Variants in ERBB4 observed in about 807,000 individuals in gnomAD.
ERBB4 encodes the protein erb-b2 receptor tyrosine kinase 4, also known as receptor tyrosine-protein kinase erbB-4.
A neutral mutation model predicts 158.0 loss-of-function variants in ERBB4; 42 were observed. That is an observed-to-expected ratio of 0.27 (90% CI 0.21 to 0.34). The LOEUF is 0.34. Among genes scored for constraint, ERBB4 ranks in the 10% least tolerant of loss-of-function variants. ERBB4 has a pLI of 1.00. For missense variants in ERBB4, 1,333 were observed against 1,624.1 expected, an observed-to-expected ratio of 0.82 and a Z score of 3.08; for synonymous variants, 583 against 558.7, an observed-to-expected ratio of 1.04 and a Z score of -0.61.
intron 12 of ERBB4, among the ~76,000 whole-genome samples, chr2:211,684,033 T>A (rs1026353935): frequency 5.9e-5 from 9 of 152,204 alleles, no homozygotes; most frequent in African/African-American, 2.2e-4. Context: ...GTAATTAGAT[T>A]TCGTTTATTT....
intron 4 of ERBB4, among the ~76,000 whole-genome samples, chr2:211,759,126 A>T (rs566177455): frequency 6.6e-6 from 1 of 152,294 alleles, no homozygotes; most frequent in Non-Finnish European, 1.5e-5. Flanking sequence ...AGTCATCCTC[A>T]GCTCTGTTTT....
At chr2:211,561,166 A>C (rs1323361955) in intron 20 of ERBB4, among the ~76,000 whole-genome samples, 1 of 152,214 alleles carries the variant, frequency 6.6e-6, no homozygotes, top group Non-Finnish European at 1.5e-5. Context: ...AGCAGACTGC[A>C]TGATAAGAAT....
intron 1 of ERBB4, among the ~76,000 whole-genome samples, chr2:212,197,226 A>G (rs1250233501): frequency 6.6e-6 from 1 of 152,194 alleles, no homozygotes; most frequent in Non-Finnish European, 1.5e-5. Context: ...TTAGAAACAT[A>G]TTCAATTGCC....
intron 5 of ERBB4, among the ~76,000 whole-genome samples, chr2:211,732,044 A>C (rs2106154669): frequency 6.6e-6 from 1 of 152,032 alleles, no homozygotes. Flanking sequence ...TAAGATTTTT[A>C]GAAGTAGATT....
At chr2:211,949,139 T>C (rs2080800568) in intron 2 of ERBB4, among the ~76,000 whole-genome samples, 2 of 152,164 alleles carry the variant, frequency 1.3e-5, no homozygotes, top group Admixed American at 6.6e-5. Context: ...ACGTCATCCA[T>C]GGCTCCCACC....
rs536427262 is a variant in ERBB4 at position 211,478,377 on chromosome 2, C to A, written c.2488-47277G>T. On this transcript the variant is annotated intron_variant, in intron 20 of 27. Coordinates refer to ENST00000342788, the MANE Select transcript of ERBB4 (RefSeq NM_005235.3). Reference sequence around the variant, plus strand: ...GTCTCTATATTCAAAGACAAATCTGCGTTTCCAGATATATGTTGCCTTGAA... The same window carrying A: ...GTCTCTATATTCAAAGACAAATCTGAGTTTCCAGATATATGTTGCCTTGAA... 1.3e-4 allele frequency among the ~76,000 whole-genome samples: 20 copies of A among 152,202 alleles called. No individual in the cohort carries two copies. The East Asian group carries it at 1.5e-3, about 12-fold the overall frequency.
At chr2:212,468,936 G>C (rs1038866505) in intron 1 of ERBB4, among the ~76,000 whole-genome samples, 1 of 151,954 alleles carries the variant, frequency 6.6e-6, no homozygotes, top group African/African-American at 2.4e-5. Context: ...CCCTTATTAG[G>C]AAAAAAATTA....
chr2:212,269,418 C>G (rs1406882160), intron 1 of ERBB4, among the ~76,000 whole-genome samples: 2 of 151,776 alleles, frequency 1.3e-5, no homozygotes, highest in Non-Finnish European at 2.9e-5. Flanking sequence ...CATACTTATT[C>G]ATGTGTGGGG....
At chr2:211,603,322 T>C (rs547196886) in intron 19 of ERBB4, among the ~76,000 whole-genome samples, 44 of 152,244 alleles carry the variant, frequency 2.9e-4, no homozygotes, top group African/African-American at 9.4e-4. Context: ...TGTAAGTATC[T>C]GACATTGGGC....
At chr2:212,196,757 T>C (rs2082437553) in intron 1 of ERBB4, among the ~76,000 whole-genome samples, 1 of 152,146 alleles carries the variant, frequency 6.6e-6, no homozygotes. Context: ...TCATCCTAAA[T>C]TCAAACTCTC....
chr2:212,533,314 A>G (rs1692858140), intron 1 of ERBB4, among the ~76,000 whole-genome samples: 1 of 152,216 alleles, frequency 6.6e-6, no homozygotes, highest in African/African-American at 2.4e-5. Context: ...ATGTATCTCA[A>G]TATCAAAGAC....
intron 4 of ERBB4, among the ~76,000 whole-genome samples, chr2:211,762,278 G>T (rs1189649615): frequency 6.6e-6 from 1 of 152,160 alleles, no homozygotes; most frequent in Non-Finnish European, 1.5e-5. Flanking sequence ...GGGAGGGTGT[G>T]ACCCCTTAGA....
At chr2:211,732,662 A>G (rs6740215) in intron 5 of ERBB4, among the ~76,000 whole-genome samples, 27,875 of 152,148 alleles carry the variant, frequency 0.18, 3,260 homozygotes, top group South Asian at 0.33. Flanking sequence ...GAGTCAGTTA[A>G]TAAAAGTAGG....
rs573600521 is a variant in ERBB4, at chr2:212,031,030, T to A, written c.235-83414A>T. Reference sequence around the variant, plus strand: ...TATCCAACATCCGTCTTCTGCCTCATGAAACTCACTTCTCTTAGACATGCT... The same window carrying A: ...TATCCAACATCCGTCTTCTGCCTCAAGAAACTCACTTCTCTTAGACATGCT... On this transcript the variant is annotated intron_variant, in intron 2 of 27. Transcript: ENST00000342788. 5.3e-5 allele frequency among the ~76,000 whole-genome samples: 8 copies of A among 152,260 alleles called. No individual in the cohort carries two copies. The East Asian group carries it at 9.6e-4, about 18-fold the overall frequency.
chr2:212,235,257 A>G (rs1179516102), intron 1 of ERBB4, among the ~76,000 whole-genome samples: 5 of 152,012 alleles, frequency 3.3e-5, no homozygotes, highest in Non-Finnish European at 7.4e-5. Flanking sequence ...GCTTGCTTTT[A>G]TCAGGTTTGT....
intron 1 of ERBB4, among the ~76,000 whole-genome samples, chr2:212,296,454 C>T (rs544438732): frequency 2.6e-5 from 4 of 151,842 alleles, no homozygotes; most frequent in African/African-American, 9.6e-5. Context: ...AACAGTTCTT[C>T]AGTAATGTAA....
chr2:212,229,333 T>C (rs1038346394), intron 1 of ERBB4, among the ~76,000 whole-genome samples: 1 of 152,168 alleles, frequency 6.6e-6, no homozygotes, highest in African/African-American at 2.4e-5. Context: ...GAAGTCTGGA[T>C]GGACTCAAGT....
At chr2:212,480,925 TACATAA>T (rs528555750) in intron 1 of ERBB4, among the ~76,000 whole-genome samples, 166 of 152,324 alleles carry the variant, frequency 1.1e-3, no homozygotes, top group African/African-American at 3.9e-3. Context: ...CTTTTTAATT[TACATAA>T]ACATAATTGC....
intron 1 of ERBB4, among the ~76,000 whole-genome samples, chr2:212,263,916 T>C (rs2085035445): frequency 6.6e-6 from 1 of 152,046 alleles, no homozygotes; most frequent in South Asian, 2.1e-4. Flanking sequence ...TCAGATGCCA[T>C]TGTAATTGTT....
Sources: allele counts gnomAD v4.1 joint callset (sites outside exome capture counted in the v4.1 genomes callset), GRCh38; gene constraint gnomAD v4.1.1; transcripts MANE v1.5; gene names NCBI Gene and HGNC (gene_info 2026-07-23, HGNC 2026-07-21).